Variants in EPB41 observed in about 807,000 individuals in gnomAD.
The protein encoded by EPB41 is protein 4.1.
EPB41 carries 65 observed loss-of-function variants against 108.0 expected under a neutral mutation model. The observed-to-expected ratio is 0.60, with a 90% CI of 0.49 to 0.74. The LOEUF (loss-of-function observed/expected upper bound fraction) is 0.74. Ranked by LOEUF, EPB41 falls within the 30% of genes least tolerant of loss-of-function variation. The pLI, the probability that EPB41 is intolerant of heterozygous loss-of-function variation, is 0.00. For synonymous variants in EPB41, 336 were observed against 358.9 expected, an observed-to-expected ratio of 0.94 and a Z score of 0.72; for missense variants, 875 against 1,037.0, an observed-to-expected ratio of 0.84 and a Z score of 2.15.
At chr1:28,973,765 T>C (rs2095543781) in intron 1 of EPB41, among the ~76,000 whole-genome samples, 1 of 152,164 alleles carries the variant, frequency 6.6e-6, no homozygotes, top group Non-Finnish European at 1.5e-5. Flanking sequence ...ATTCAGTTAA[T>C]GTAAGGACCC....
intron 1 of EPB41, among the ~76,000 whole-genome samples, chr1:28,973,462 T>C (rs866989656): frequency 6.6e-6 from 1 of 152,132 alleles, no homozygotes; most frequent in Non-Finnish European, 1.5e-5. Context: ...CAGTCATAGC[T>C]CACTGGAGCC....
At chr1:29,041,862 G>GTAA (rs1360240822) in intron 11 of EPB41, among the ~76,000 whole-genome samples, 1 of 152,202 alleles carries the variant, frequency 6.6e-6, no homozygotes, top group African/African-American at 2.4e-5. Context: ...AAATGGAGAT[G>GTAA]ATGATAGTAT....
chr1:29,001,286 C>T (rs1056904044), intron 4 of EPB41, among the ~76,000 whole-genome samples: 5 of 152,142 alleles, frequency 3.3e-5, no homozygotes, highest in African/African-American at 4.8e-5. Flanking sequence ...GCCGAGGTCA[C>T]GCCATTGCAC....
At chr1:29,008,771 T>C (rs1381497876) in intron 4 of EPB41, among the ~76,000 whole-genome samples, 4 of 152,220 alleles carry the variant, frequency 2.6e-5, no homozygotes, top group Non-Finnish European at 1.5e-5. Flanking sequence ...CAGTTTTACA[T>C]CTCTCCTCTT....
rs1671277763 is a variant in EPB41, at chr1:29,118,043, C to G, written c.*1231C>G. ...GTGGTGGGTTTGGGGCTTAGTTTTC[C>G]TTTTTTTCATTTTGATTTTTGAAAG... On this transcript the variant is annotated 3_prime_UTR_variant, in exon 21 of 21. Coordinates refer to ENST00000343067, the MANE Select transcript of EPB41 (RefSeq NM_001376013.1). 1 of 152,140 alleles carries G rather than the reference C, an allele frequency of 6.6e-6. No individual in the cohort carries two copies. Among genetic ancestry groups the G allele is most frequent in the African/African-American group, 2.4e-5 (1 of 41,412 alleles). The allele number at this position is 152,140 out of a possible 1,614,324, so 9.4% of individuals were successfully genotyped here.
intron 18 of EPB41, among the ~76,000 whole-genome samples, chr1:29,112,162 TTTTG>T (rs752258536): frequency 2.6e-5 from 4 of 152,004 alleles, no homozygotes; most frequent in Non-Finnish European, 5.9e-5. Context: ...ATTTTTCTTT[TTTTG>T]TTTGTTTGTT....
rs1379225781 is a variant in EPB41 at position 29,119,769 on chromosome 1, A to C, written c.*2957A>C. The C allele has an allele frequency of 6.5e-6, 1 of 152,682 alleles. No homozygotes were observed. The highest frequency in any genetic ancestry group is 2.4e-5 in the African/African-American group (1 of 41,468). 9.5% of individuals were successfully genotyped at this position (152,682 alleles called of 1,614,324 possible). The stretch of plus-strand genomic sequence containing the variant: ...CAGCCCCAGGCTGGTTGTTTCTACA[A>C]ATCTCTCTCAAATGTATTATTTTGG... On this transcript the variant is annotated 3_prime_UTR_variant, in exon 21 of 21. Coordinates refer to ENST00000343067, the MANE Select transcript of EPB41 (RefSeq NM_001376013.1).
upstream of EPB41, among the ~76,000 whole-genome samples, chr1:28,912,406 T>G (rs193169441): frequency 4.3e-4 from 65 of 152,256 alleles, no homozygotes; most frequent in East Asian, 0.011. Context: ...GGTTTTATGA[T>G]GTTTCAAATG....
In EPB41 at chr1:28,997,144, C is replaced by T. The variant is rs2096198658; in HGVS notation, c.682-71C>T. ...TCCAGCCTGGGCAACAGAGTGAATC[C>T]CCATCTCTTTTGGGGAAAAAATAAA... is the stretch of plus-strand genomic sequence containing the variant. On this transcript the variant is annotated intron_variant, in intron 3 of 20. Transcript: ENST00000343067. 24 of 1,135,490 alleles carry T rather than the reference C, an allele frequency of 2.1e-5. No homozygotes were observed. The South Asian group carries it at 3.0e-4, about 14-fold the overall frequency. The allele number at this position is 1,135,490 out of a possible 1,614,324, so 70.3% of individuals were successfully genotyped here.
chr1:28,894,514 C>T (rs1006418709), intron 1 of EPB41, among the ~76,000 whole-genome samples: 2 of 152,124 alleles, frequency 1.3e-5, no homozygotes, highest in South Asian at 2.1e-4. Context: ...AAGTACCAAG[C>T]ATGTATCAAT....
chr1:28,911,094 T>C (rs2092233216), upstream of EPB41: 3 of 985,382 alleles, frequency 3.0e-6, no homozygotes, highest in South Asian at 1.4e-4. Context: ...AGAGGGCAGA[T>C]GGGCCCAGGA....
At chr1:28,961,798 G>C (rs934038003) in intron 1 of EPB41, among the ~76,000 whole-genome samples, 63 of 152,100 alleles carry the variant, frequency 4.1e-4, no homozygotes, top group African/African-American at 1.4e-3. Flanking sequence ...CCAGATCCAG[G>C]AGTGGAATAA....
intron 16 of EPB41, chr1:29,096,731 A>G: frequency 3.1e-6 from 1 of 320,772 alleles, no homozygotes; most frequent in Non-Finnish European, 4.5e-6. Context: ...AAAATCACAG[A>G]CTAAAAGCCT....
At chr1:28,985,840 T>C (rs1456122581) in intron 1 of EPB41, 1 of 152,066 alleles carries the variant, frequency 6.6e-6, no homozygotes, top group Non-Finnish European at 1.5e-5. Flanking sequence ...AAAATTTTTT[T>C]TTATTATACT....
chr1:28,994,670 T>C (rs980863908), intron 3 of EPB41, among the ~76,000 whole-genome samples: 3 of 141,458 alleles, frequency 2.1e-5, no homozygotes, highest in Non-Finnish European at 4.6e-5. Context: ...TATTTATTTA[T>C]TTATTTGAGA....
chr1:29,034,573 G>A (rs1379558935), intron 9 of EPB41, among the ~76,000 whole-genome samples: 1 of 152,088 alleles, frequency 6.6e-6, no homozygotes, highest in Non-Finnish European at 1.5e-5. Context: ...GGCAATAGTA[G>A]GCACTCAAAA....
At chr1:29,064,855 A>G in intron 15 of EPB41, 127 bp from the exon 16 acceptor site, 1 of 1,162,284 alleles carries the variant, frequency 8.6e-7, no homozygotes, top group Non-Finnish European at 1.2e-6. Flanking sequence ...ATCTGAATGC[A>G]GATTAGTAAC....
chr1:29,064,918 G>A, intron 15 of EPB41, 64 bp from the exon 16 acceptor site: 2 of 1,606,976 alleles, frequency 1.2e-6, no homozygotes, highest in Non-Finnish European at 1.7e-6. Context: ...CTGACGGGTT[G>A]CCCTTGATTA....
chr1:28,909,033 C>T (rs901566838), intron 1 of EPB41, among the ~76,000 whole-genome samples: 1 of 151,268 alleles, frequency 6.6e-6, no homozygotes, highest in African/African-American at 2.4e-5. Context: ...GTGGCGGGCA[C>T]CTGTAATCCC....
Sources: gnomAD v4.1 joint callset for allele counts (sites outside exome capture counted in the v4.1 genomes callset) on GRCh38, gnomAD v4.1.1 for gene constraint, MANE v1.5 for transcripts, NCBI Gene and HGNC (gene_info 2026-07-23, HGNC 2026-07-21) for gene names.